Variants in ZMYND11 observed in about 807,000 individuals in gnomAD.
The protein encoded by ZMYND11 is zinc finger MYND-type containing 11.
A neutral mutation model predicts 84.9 loss-of-function variants in ZMYND11; 9 were observed. The ratio of observed to expected loss-of-function variants is 0.11; its 90% CI spans 0.06 to 0.18. The LOEUF is 0.18. Ranked by LOEUF, ZMYND11 falls within the 10% of genes least tolerant of loss-of-function variation. The probability of loss-of-function intolerance (pLI) is 1.00; values close to 1 mark genes in which losing one functional copy is unlikely to be tolerated. For synonymous variants in ZMYND11, 250 were observed against 244.1 expected, an observed-to-expected ratio of 1.02 and a Z score of -0.23; for missense variants, 409 against 761.0, an observed-to-expected ratio of 0.54 and a Z score of 5.44.
In ZMYND11 at chr10:180,004, A is replaced by G. The variant is rs1350740943; in HGVS notation, c.-9A>G. 1 of 1,604,842 alleles carries G rather than the reference A, an allele frequency of 6.2e-7. No homozygotes were observed. Among genetic ancestry groups the G allele is most frequent in the East Asian group, 2.2e-5 (1 of 44,796 alleles). On this transcript the variant is annotated 5_prime_UTR_variant, in exon 2 of 15. An upstream open reading frame in the 5' UTR loses its in-frame stop. Transcript: ENST00000381604. ...TGTTTATTACTGCAGCTAAAGAAGT[A>G]AACAGGTCATGGCACGTTTAACAAA...
intron 2 of ZMYND11, among the ~76,000 whole-genome samples, chr10:181,242 T>G (rs1022852853): frequency 6.6e-6 from 1 of 152,188 alleles, no homozygotes; most frequent in African/African-American, 2.4e-5. Context: ...AAATAAATGC[T>G]TTTTTTGGCC....
At chr10:185,635 G>A (rs565564736) in intron 2 of ZMYND11, among the ~76,000 whole-genome samples, 1 of 151,538 alleles carries the variant, frequency 6.6e-6, no homozygotes, top group South Asian at 2.1e-4. Flanking sequence ...CCAACATAGT[G>A]AAACCCTGTC....
At chr10:202,841 A>G (rs1008686070) in intron 2 of ZMYND11, among the ~76,000 whole-genome samples, 1 of 152,204 alleles carries the variant, frequency 6.6e-6, no homozygotes, top group Non-Finnish European at 1.5e-5. Context: ...ACTAACAACA[A>G]AGCAGACCTC....
At chr10:133,504 G>A (rs1190396416), upstream of ZMYND11, among the ~76,000 whole-genome samples, 1 of 152,112 alleles carries the variant, frequency 6.6e-6, no homozygotes, top group Non-Finnish European at 1.5e-5. Flanking sequence ...AATTTTAAAT[G>A]ATCCCTACAA....
intron 3 of ZMYND11, among the ~76,000 whole-genome samples, chr10:210,694 T>C (rs939729151): frequency 3.3e-5 from 5 of 152,252 alleles, no homozygotes; most frequent in African/African-American, 7.2e-5. Flanking sequence ...CCTTTCATTA[T>C]GTACCTTTAA....
chr10:236,437 A>G (rs1449702839), intron 4 of ZMYND11, among the ~76,000 whole-genome samples: 1 of 152,240 alleles, frequency 6.6e-6, no homozygotes, highest in Non-Finnish European at 1.5e-5. Context: ...AACGAAGAAT[A>G]ATGTTGTATT....
chr10:211,779 AT>A (rs1336960599), intron 3 of ZMYND11, among the ~76,000 whole-genome samples: 1 of 152,312 alleles, frequency 6.6e-6, no homozygotes, highest in East Asian at 1.9e-4. Context: ...TATAAGAAGA[AT>A]TTTTCTATTG....
intron 2 of ZMYND11, among the ~76,000 whole-genome samples, chr10:204,912 T>C (rs939725423): frequency 2.6e-5 from 4 of 151,874 alleles, no homozygotes; most frequent in Admixed American, 2.0e-4. Flanking sequence ...TATTCAAATA[T>C]TTTATGTAGG....
chr10:153,489 T>C (rs1840917495), intron 1 of ZMYND11, among the ~76,000 whole-genome samples: 1 of 152,244 alleles, frequency 6.6e-6, no homozygotes, highest in African/African-American at 2.4e-5. Flanking sequence ...TGTCTCAAAC[T>C]AGAAATATAA....
chr10:158,984 G>GTTTTTTTTTTTTTTTTTTTTTTTTTT (rs376931420), intron 1 of ZMYND11, among the ~76,000 whole-genome samples: 15 of 40,056 alleles, frequency 3.7e-4, no homozygotes, highest in Non-Finnish European at 5.7e-4. Context: ...AGGGTTTTTT[G>GTTTTTTTTTTTTTTTTTTTTTTTTTT]TTTTTTGTTT....
At chr10:243,276 TAAATGTCAGCTTTTATAATAC>T (rs1344726278) in intron 10 of ZMYND11, among the ~76,000 whole-genome samples, 1 of 152,164 alleles carries the variant, frequency 6.6e-6, no homozygotes, top group Admixed American at 6.5e-5. Context: ...GAGTACTCAA[TAAATGTCAGCTTTTATAATAC>T]AACAGATATT....
At chr10:214,243 A>G (rs921785664) in intron 3 of ZMYND11, among the ~76,000 whole-genome samples, 1 of 152,186 alleles carries the variant, frequency 6.6e-6, no homozygotes, top group African/African-American at 2.4e-5. Context: ...GAAAAAAGTA[A>G]TTATTTAAAG....
intron 2 of ZMYND11, among the ~76,000 whole-genome samples, chr10:198,723 G>C (rs1942381993): frequency 6.6e-6 from 1 of 152,264 alleles, no homozygotes; most frequent in South Asian, 2.1e-4. Flanking sequence ...TCTAGCCTAG[G>C]ACTTTACATA....
At chr10:176,856 T>G (rs782250310) in intron 1 of ZMYND11, among the ~76,000 whole-genome samples, 1 of 151,894 alleles carries the variant, frequency 6.6e-6, no homozygotes. Flanking sequence ...AACAAAGAGA[T>G]GGAGGTGTGA....
At chr10:219,838 C>CT (rs1216791236) in intron 3 of ZMYND11, among the ~76,000 whole-genome samples, 2 of 152,138 alleles carry the variant, frequency 1.3e-5, no homozygotes, top group African/African-American at 4.8e-5. Context: ...TGGTCATTGT[C>CT]TTTTTATTAC....
chr10:173,668 T>C (rs1200201165), intron 1 of ZMYND11, among the ~76,000 whole-genome samples: 4 of 152,096 alleles, frequency 2.6e-5, no homozygotes, highest in African/African-American at 9.7e-5. Flanking sequence ...ATAGTTAGCT[T>C]TGACTGCACT....
At chr10:240,001 T>TGAGTC (rs1950602477) in intron 7 of ZMYND11, 55 bp from the exon 8 acceptor site, 1 of 1,458,254 alleles carries the variant, frequency 6.9e-7, no homozygotes, top group African/African-American at 1.4e-5. Context: ...ATAGTAACTT[T>TGAGTC]GAGTCTTGTA....
intron 4 of ZMYND11, among the ~76,000 whole-genome samples, chr10:233,732 C>T (rs1020432636): frequency 6.6e-6 from 1 of 152,176 alleles, no homozygotes; most frequent in African/African-American, 2.4e-5. Flanking sequence ...CTCTAGCAAA[C>T]TAGTTCTCAG....
chr10:198,639 G>A (rs977928093), intron 2 of ZMYND11, among the ~76,000 whole-genome samples: 6 of 152,170 alleles, frequency 3.9e-5, no homozygotes, highest in African/African-American at 1.4e-4. Context: ...TAGAGTCACT[G>A]GAGGTCCATA....
Sources: gnomAD v4.1 joint callset for allele counts (sites outside exome capture counted in the v4.1 genomes callset) on GRCh38, gnomAD v4.1.1 for gene constraint, MANE v1.5 for transcripts, NCBI Gene and HGNC (gene_info 2026-07-23, HGNC 2026-07-21) for gene names.